RASA2: variants seen among roughly 807,000 people sequenced by gnomAD.
The protein encoded by RASA2 is RAS p21 protein activator 2.
In RASA2, 155 loss-of-function variants were observed where a neutral mutation model predicts 118.2. The observed-to-expected ratio is 1.31, with a 90% confidence interval of 1.15 to 1.50. The LOEUF (loss-of-function observed/expected upper bound fraction) is 1.50, where lower values mean the gene tolerates loss of function less well. RASA2 is among the 40% of genes most tolerant of loss of function. The pLI, the probability that RASA2 is intolerant of heterozygous loss-of-function variation, is 0.00. For missense variants in RASA2, 1,016 were observed against 1,009.6 expected, an observed-to-expected ratio of 1.01 and a Z score of -0.09; for synonymous variants, 353 against 349.1, an observed-to-expected ratio of 1.01 and a Z score of -0.12.
At chr3:141,499,938 T>G (rs907155321) in intron 1 of RASA2, among the ~76,000 whole-genome samples, 3 of 152,156 alleles carry the variant, frequency 2.0e-5, no homozygotes, top group Non-Finnish European at 4.4e-5. Flanking sequence ...TATAGACTCT[T>G]GGATTATTTT....
Position 141,612,302 on chromosome 3 carries a change from A to G in RASA2, c.2539A>G (p.Lys847Glu). 6.3e-7 allele frequency: 1 copy of G among 1,590,158 alleles called. No individual in the cohort carries two copies. The highest frequency in any genetic ancestry group is 1.3e-5 in the African/African-American group (1 of 74,138). ...CTCTAGGGAAAATCCAATTGTTGGG[A>G]AAGCATCTTAGAGTTTAACAGATTG... ...YGSKENPIVGKAS is the reference protein window; with the variant it reads ...YGSKENPIVGEAS The change falls in exon 24 of 24, where the codon AAA becomes GAA. Residue 847 changes from lysine to glutamate, a missense_variant. By Grantham distance (56) the Lys-to-Glu change is moderately conservative. This residue lies in a region of RASA2 where 120 missense variants were observed against 173.2 expected (regional missense o/e 0.69). Transcript: ENST00000286364.
rs1368412740 is a variant in RASA2 at position 141,537,065 on chromosome 3, T to C, written c.451-3468T>C. On this transcript the variant is annotated intron_variant, in intron 4 of 23. Coordinates refer to ENST00000286364, the MANE Select transcript of RASA2 (RefSeq NM_006506.5). ...CCCAGCCTCCTTGTTGGATTCTTAA[T>C]GTTACTTCTTCGTAGGTTCTTTATT... Among the ~76,000 whole-genome samples, 9 of 152,236 alleles carry C rather than the reference T, an allele frequency of 5.9e-5. No individual in the cohort carries two copies. In the East Asian group the frequency reaches 1.7e-3, roughly 29 times the overall value.
At chr3:141,553,376 T>C (rs1167859576) in intron 5 of RASA2, among the ~76,000 whole-genome samples, 1 of 152,202 alleles carries the variant, frequency 6.6e-6, no homozygotes, top group East Asian at 1.9e-4. Context: ...TGTTGACTGT[T>C]ACACATCCCT....
At chr3:141,487,859 C>T (rs1258161247) in intron 1 of RASA2, among the ~76,000 whole-genome samples, 1 of 152,180 alleles carries the variant, frequency 6.6e-6, no homozygotes, top group Non-Finnish European at 1.5e-5. Context: ...CGGCGGGACA[C>T]CTGTACTTGC....
At chr3:141,492,494 A>G (rs2081650895) in intron 1 of RASA2, among the ~76,000 whole-genome samples, 1 of 152,230 alleles carries the variant, frequency 6.6e-6, no homozygotes, top group Admixed American at 6.5e-5. Flanking sequence ...AAAAGTTTGT[A>G]TCAGTACACA....
rs112507854 is a variant in RASA2, at chr3:141,514,972, A to T, written c.252-1356A>T. Among the ~76,000 whole-genome samples, 1,086 of 152,292 alleles carry T rather than the reference A, an allele frequency of 7.1e-3. 14 individuals carry two copies. Among genetic ancestry groups the T allele is most frequent in the African/African-American group, 0.025 (1,040 of 41,552 alleles). On this transcript the variant is annotated intron_variant, in intron 2 of 23. Transcript: ENST00000286364. ...ATAGATGTATAGTGATAGAAAACAC[A>T]TCACAGGTTGGGGCAGGTATGATGG...
chr3:141,530,098 T>G (rs1181799579), intron 4 of RASA2, among the ~76,000 whole-genome samples: 1 of 152,052 alleles, frequency 6.6e-6, no homozygotes, highest in Non-Finnish European at 1.5e-5. Context: ...GGGGAAAAGT[T>G]TTAAGGGAAA....
chr3:141,524,860 G>A (rs2082163442), intron 3 of RASA2, among the ~76,000 whole-genome samples: 1 of 152,074 alleles, frequency 6.6e-6, no homozygotes, highest in Admixed American at 6.5e-5. Context: ...CAAAGTGCTA[G>A]GATTACACGC....
chr3:141,538,929 T>A (rs2082367025), intron 4 of RASA2, among the ~76,000 whole-genome samples: 1 of 152,210 alleles, frequency 6.6e-6, no homozygotes, highest in Non-Finnish European at 1.5e-5. Flanking sequence ...ATTGTCATAG[T>A]TTTTATTTCT....
chr3:141,540,658 G>T, intron 5 of RASA2, 49 bp downstream of exon 5: 1 of 1,490,944 alleles, frequency 6.7e-7, no homozygotes. Context: ...TCTCCATTTT[G>T]TATTCTTTCG....
chr3:141,584,334 A>C (rs1376825195), intron 17 of RASA2, among the ~76,000 whole-genome samples: 1 of 135,368 alleles, frequency 7.4e-6, no homozygotes, highest in African/African-American at 3.5e-5. Context: ...CCATCCCAAA[A>C]AAAAAAAAAA....
chr3:141,600,345 CA>C, intron 19 of RASA2: 1 of 524,212 alleles, frequency 1.9e-6, no homozygotes, highest in Non-Finnish European at 3.9e-6. Context: ...TGTCTCTAAG[CA>C]ATTGCATGAT....
At chr3:141,495,201 A>G (rs909894340) in intron 1 of RASA2, among the ~76,000 whole-genome samples, 1 of 152,252 alleles carries the variant, frequency 6.6e-6, no homozygotes, top group Non-Finnish European at 1.5e-5. Context: ...TACCATTATT[A>G]TCCCCATTTT....
chr3:141,538,100 AACAC>A (rs60054807), intron 4 of RASA2, among the ~76,000 whole-genome samples: 31 of 136,634 alleles, frequency 2.3e-4, no homozygotes, highest in Middle Eastern at 3.6e-3. Flanking sequence ...CAAAAAACAA[AACAC>A]ACACACACAC....
At chr3:141,606,369 C>T (rs1288521278) in intron 19 of RASA2, among the ~76,000 whole-genome samples, 2 of 152,170 alleles carry the variant, frequency 1.3e-5, no homozygotes, top group Non-Finnish European at 2.9e-5. Flanking sequence ...GTCATTTCCT[C>T]AGAAAGTTTT....
At chr3:141,604,542 T>G (rs1220238609) in intron 19 of RASA2, among the ~76,000 whole-genome samples, 2 of 152,208 alleles carry the variant, frequency 1.3e-5, no homozygotes, top group Non-Finnish European at 2.9e-5. Context: ...CTTGTTTCTC[T>G]TGTTTCTTTT....
At chr3:141,579,168 A>C (rs1275152876) in intron 15 of RASA2, among the ~76,000 whole-genome samples, 2 of 152,136 alleles carry the variant, frequency 1.3e-5, no homozygotes. Flanking sequence ...AAATCAAACT[A>C]AAGCTTTTCT....
At chr3:141,513,322 T>C (rs998989327) in intron 2 of RASA2, among the ~76,000 whole-genome samples, 3 of 151,996 alleles carry the variant, frequency 2.0e-5, no homozygotes, top group Non-Finnish European at 2.9e-5. Flanking sequence ...AGAAAAGGTA[T>C]TGTATAAAAC....
chr3:141,588,835 CT>C (rs1322924471), intron 19 of RASA2, among the ~76,000 whole-genome samples: 1 of 151,190 alleles, frequency 6.6e-6, no homozygotes, highest in Non-Finnish European at 1.5e-5. Context: ...TTCCAGATAG[CT>C]TTTTATTTTT....
Sources: allele counts gnomAD v4.1 joint callset (sites outside exome capture counted in the v4.1 genomes callset), GRCh38; gene constraint gnomAD v4.1.1; regional missense constraint gnomAD v4.1.1; transcripts MANE v1.5; gene names NCBI Gene and HGNC (gene_info 2026-07-23, HGNC 2026-07-21).